KPNA1: variants seen among roughly 807,000 people sequenced by gnomAD.
KPNA1 encodes karyopherin subunit alpha 1.
Under a neutral mutation model 70.5 loss-of-function variants are expected in KPNA1, and 10 were observed. The ratio of observed to expected loss-of-function variants is 0.14; its 90% CI spans 0.09 to 0.24. The LOEUF (loss-of-function observed/expected upper bound fraction) is 0.24. Among genes scored for constraint, KPNA1 ranks in the 10% least tolerant of loss-of-function variants. The probability of loss-of-function intolerance (pLI) is 1.00; values close to 1 mark genes in which losing one functional copy is unlikely to be tolerated. For synonymous variants in KPNA1, 192 were observed against 221.9 expected, an observed-to-expected ratio of 0.87 and a Z score of 1.20; for missense variants, 397 against 637.9, an observed-to-expected ratio of 0.62 and a Z score of 4.07.
chr3:122,449,251 T>C (rs1489123239), intron 9 of KPNA1, among the ~76,000 whole-genome samples: 2 of 152,220 alleles, frequency 1.3e-5, no homozygotes, highest in African/African-American at 2.4e-5. Context: ...AGATAAGGAA[T>C]GACTATTTTA....
At chr3:122,491,645 C>T (rs974727061) in intron 2 of KPNA1, among the ~76,000 whole-genome samples, 5 of 152,124 alleles carry the variant, frequency 3.3e-5, no homozygotes, top group Admixed American at 6.5e-5. Context: ...GCAAGTTATG[C>T]AACTACTCAA....
chr3:122,496,576 A>G lies in KPNA1; in HGVS notation c.-5-6T>C, dbSNP rs2076763961. The G allele has an allele frequency of 6.2e-7, 1 of 1,612,622 alleles. No homozygotes were observed. Among genetic ancestry groups the G allele is most frequent in the Non-Finnish European group, 8.5e-7 (1 of 1,179,108 alleles). ...TCCTGGGGTGGTCATGATTTCTACA[A>G]TACAAGTGGGGAGAGAACAAATGAG... On this transcript the variant is annotated splice_polypyrimidine_tract_variant and splice_region_variant and intron_variant, in intron 1 of 13. Coordinates refer to ENST00000344337, the MANE Select transcript of KPNA1 (RefSeq NM_002264.4).
chr3:122,506,325 C>G (rs1443908856), intron 1 of KPNA1, among the ~76,000 whole-genome samples: 2 of 152,014 alleles, frequency 1.3e-5, no homozygotes, highest in Non-Finnish European at 1.5e-5. Flanking sequence ...ACCAAAACTA[C>G]AAGAAAGTAT....
rs754577860 is a variant in KPNA1 at position 122,464,067 on chromosome 3, A to T, written c.238-26T>A. The T allele has an allele frequency of 2.1e-5, 27 of 1,260,846 alleles. No individual in the cohort carries two copies. The East Asian group carries it at 5.2e-4, about 24-fold the overall frequency. The allele number at this position is 1,260,846 out of a possible 1,614,324, so 78.1% of individuals were successfully genotyped here. On this transcript the variant is annotated intron_variant, in intron 3 of 13. Coordinates refer to ENST00000344337, the MANE Select transcript of KPNA1 (RefSeq NM_002264.4). ...CTGCGATCACAAACAAAAAGAACAT[A>T]TAATAAATTATCACCCTTAATTCAA... is the stretch of plus-strand genomic sequence containing the variant.
chr3:122,501,914 T>C (rs971911905), intron 1 of KPNA1, among the ~76,000 whole-genome samples: 1 of 152,230 alleles, frequency 6.6e-6, no homozygotes, highest in Non-Finnish European at 1.5e-5. Flanking sequence ...TTCCAGAGGC[T>C]TTCCATGGTT....
chr3:122,479,638 TA>T (rs1394351668), intron 2 of KPNA1, among the ~76,000 whole-genome samples: 6 of 152,062 alleles, frequency 3.9e-5, no homozygotes, highest in African/African-American at 1.2e-4. Context: ...TAGGCGCCTG[TA>T]ATCCCAGCTA....
intron 4 of KPNA1, among the ~76,000 whole-genome samples, chr3:122,463,023 T>C (rs1370436924): frequency 6.6e-6 from 1 of 152,000 alleles, no homozygotes. Context: ...ATCGAGATCA[T>C]CCTGGCCAAC....
At chr3:122,503,256 CAT>C (rs5852301) in intron 1 of KPNA1, among the ~76,000 whole-genome samples, 10 of 149,722 alleles carry the variant, frequency 6.7e-5, no homozygotes, top group Non-Finnish European at 1.2e-4. Flanking sequence ...AGCATGCATA[CAT>C]ATATATATAT....
chr3:122,427,796 A>G, intron 12 of KPNA1, 80 bp from the exon 13 acceptor site: 1 of 890,802 alleles, frequency 1.1e-6, no homozygotes, highest in Non-Finnish European at 1.6e-6. Flanking sequence ...GTCATCCTCA[A>G]CTTCACTGCA....
At position 122,461,092 on chromosome 3, in the gene KPNA1, T is replaced by C. The variant is rs562475589; in HGVS notation, c.432+132A>G. 3.2e-4 allele frequency: 168 copies of C among 527,232 alleles called. 1 individual carries two copies. The highest frequency in any genetic ancestry group is 2.5e-3 in the African/African-American group (127 of 50,938). 32.7% of individuals were successfully genotyped at this position (527,232 alleles called of 1,614,324 possible). ...AAAGCTATGAAAGCAGCTTGCAATG[T>C]AGTTGTCAGGAATATCATTATAAAC... On this transcript the variant is annotated intron_variant, in intron 5 of 13. Coordinates refer to ENST00000344337, the MANE Select transcript of KPNA1 (RefSeq NM_002264.4).
chr3:122,513,133 G>A (rs2076974223), intron 1 of KPNA1, among the ~76,000 whole-genome samples: 1 of 152,166 alleles, frequency 6.6e-6, no homozygotes. Flanking sequence ...AATTTAAATG[G>A]CAGTAACTTT....
At chr3:122,478,540 G>A (rs2076531840) in intron 2 of KPNA1, among the ~76,000 whole-genome samples, 1 of 147,950 alleles carries the variant, frequency 6.8e-6, no homozygotes, top group South Asian at 2.2e-4. Context: ...TGGACAACAT[G>A]GGGAAACCCC....
intron 2 of KPNA1, among the ~76,000 whole-genome samples, chr3:122,478,321 TA>T (rs1448503052): frequency 6.6e-6 from 1 of 151,828 alleles, no homozygotes; most frequent in Non-Finnish European, 1.5e-5. Flanking sequence ...ATCACAGACC[TA>T]AATGTAATAA....
chr3:122,491,092 A>T (rs959094859), intron 2 of KPNA1, among the ~76,000 whole-genome samples: 2 of 152,254 alleles, frequency 1.3e-5, no homozygotes, highest in African/African-American at 4.8e-5. Flanking sequence ...TGTGTGGCTT[A>T]GCCACAAGCA....
chr3:122,492,050 C>T (rs1039522721), intron 2 of KPNA1, among the ~76,000 whole-genome samples: 22 of 151,254 alleles, frequency 1.5e-4, no homozygotes, highest in African/African-American at 4.9e-4. Context: ...TTAGTAGAGA[C>T]GGGGTTTCAC....
intron 9 of KPNA1, 41 bp from the exon 10 acceptor site, chr3:122,442,157 C>CTAGA: frequency 6.8e-7 from 1 of 1,468,184 alleles, no homozygotes; most frequent in Non-Finnish European, 9.4e-7. Flanking sequence ...ACAGTTCTAT[C>CTAGA]CTTAGTTTCA....
intron 6 of KPNA1, among the ~76,000 whole-genome samples, chr3:122,453,143 C>T (rs1020799057): frequency 6.6e-6 from 1 of 152,094 alleles, no homozygotes; most frequent in Non-Finnish European, 1.5e-5. Context: ...CTGGGTTTCG[C>T]CATGTTGCCC....
At chr3:122,460,652 A>AG in intron 5 of KPNA1, 3 of 776,902 alleles carry the variant, frequency 3.9e-6, no homozygotes, top group Non-Finnish European at 4.7e-6. Flanking sequence ...AAAGAAGAAA[A>AG]AAAAAAAAAA....
chr3:122,430,089 T>G (rs1441714360), intron 12 of KPNA1, among the ~76,000 whole-genome samples: 1 of 152,044 alleles, frequency 6.6e-6, no homozygotes, highest in East Asian at 1.9e-4. Flanking sequence ...AATTCTTCAG[T>G]GCTGGGAATC....
Sources: gnomAD v4.1 joint callset for allele counts (sites outside exome capture counted in the v4.1 genomes callset) on GRCh38, gnomAD v4.1.1 for gene constraint, MANE v1.5 for transcripts, NCBI Gene and HGNC (gene_info 2026-07-23, HGNC 2026-07-21) for gene names.